MAP3K5: variants seen among roughly 807,000 people sequenced by gnomAD.
The protein encoded by MAP3K5 is mitogen-activated protein kinase kinase kinase 5.
In MAP3K5, 56 loss-of-function variants were observed where a neutral mutation model predicts 158.7. The ratio of observed to expected loss-of-function variants is 0.35; its 90% CI spans 0.28 to 0.44. The LOEUF is 0.44. Ranked by LOEUF, MAP3K5 falls within the 20% of genes least tolerant of loss-of-function variation. The probability of loss-of-function intolerance (pLI) is 1.00; values close to 1 mark genes in which losing one functional copy is unlikely to be tolerated. For missense variants in MAP3K5, 1,294 were observed against 1,674.8 expected, an observed-to-expected ratio of 0.77 and a Z score of 3.97; for synonymous variants, 579 against 601.7, an observed-to-expected ratio of 0.96 and a Z score of 0.55.
At chr6:136,564,801 A>C (rs904042254) in intron 26 of MAP3K5, among the ~76,000 whole-genome samples, 1 of 152,196 alleles carries the variant, frequency 6.6e-6, no homozygotes, top group African/African-American at 2.4e-5. Flanking sequence ...TGAAAACCTA[A>C]CTTAGGAGTA....
rs1192871126 is a variant in MAP3K5 at position 136,613,173 on chromosome 6, G to A, written c.2362C>T (p.Leu788=). 6.2e-7 allele frequency: 1 copy of A among 1,613,396 alleles called. No individual in the cohort carries two copies. The highest frequency in any genetic ancestry group is 1.7e-5 in the Admixed American group (1 of 59,952). The change falls in exon 17 of 30, where the codon CTG becomes TTG. Residue 788 remains leucine (L), a synonymous_variant. Coordinates refer to ENST00000359015, the MANE Select transcript of MAP3K5 (RefSeq NM_005923.4). This position sits in a 1 kb window ranked among gnomAD's most constrained non-coding sequence, Gnocchi z 4.0. The part of the protein sequence containing the change: ...QTIGFYTKQI[L]EGLKYLHDNQ... ...TCATGGAGATATTTTAATCCTTCCA[G>A]TATTTGCTTTGTATAAAAGCCAATT... is the stretch of plus-strand genomic sequence containing the variant.
intron 21 of MAP3K5, chr6:136,593,714 C>CAAAAAAAA (rs760563651): frequency 8.2e-6 from 2 of 243,036 alleles, no homozygotes; most frequent in South Asian, 2.8e-5. Context: ...GACAGATATG[C>CAAAAAAAA]AAAAAAAAAA....
rs1015372267 is a variant in MAP3K5, at chr6:136,705,047, A to G, written c.612+63T>C. The G allele has an allele frequency of 3.2e-5, 25 of 789,400 alleles. No individual in the cohort carries two copies. In the African/African-American group the frequency reaches 3.7e-4, roughly 12 times the overall value. The allele number at this position is 789,400 out of a possible 1,614,324, so 48.9% of individuals were successfully genotyped here. A position where few individuals can be genotyped will look rare whatever the true frequency, so the allele number is the denominator to read the frequency against. The stretch of plus-strand genomic sequence containing the variant: ...AATTTGTGGAGATTTTAAAAATACC[A>G]AAGATTAGTTAATGGAAAAGAAAAT... On this transcript the variant is annotated intron_variant, in intron 3 of 29. Coordinates refer to ENST00000359015, the MANE Select transcript of MAP3K5 (RefSeq NM_005923.4).
intron 8 of MAP3K5, among the ~76,000 whole-genome samples, chr6:136,667,220 G>T (rs899522816): frequency 1.3e-4 from 20 of 151,882 alleles, no homozygotes; most frequent in Admixed American, 1.3e-3. Context: ...CATATATACT[G>T]AAAAATATAT....
chr6:136,776,774 G>C (rs1784418049), intron 1 of MAP3K5, among the ~76,000 whole-genome samples: 1 of 152,190 alleles, frequency 6.6e-6, no homozygotes, highest in Non-Finnish European at 1.5e-5. Context: ...GGTCCTGTAA[G>C]TTAAATGGTA....
intron 17 of MAP3K5, 70 bp from the exon 18 acceptor site, chr6:136,611,457 G>T (rs1776340762): frequency 5.0e-6 from 4 of 804,168 alleles, no homozygotes; most frequent in Non-Finnish European, 4.1e-6. Flanking sequence ...GACTTGGTAA[G>T]TCCAATTTAA....
At chr6:136,614,709 T>C (rs988672514) in intron 15 of MAP3K5, among the ~76,000 whole-genome samples, 1 of 152,220 alleles carries the variant, frequency 6.6e-6, no homozygotes, top group Non-Finnish European at 1.5e-5. Flanking sequence ...ACTGGCCTCA[T>C]CAACACAACT....
At chr6:136,761,085 C>T (rs1783731515) in intron 1 of MAP3K5, among the ~76,000 whole-genome samples, 1 of 151,992 alleles carries the variant, frequency 6.6e-6, no homozygotes. Context: ...GGAAGTGGGC[C>T]CTCACAAACA....
Position 136,766,295 on chromosome 6 carries a change from G to A in MAP3K5, c.448+25415C>T, listed in dbSNP as rs147087287. ...CAGAACAAGGCCAAGCAATAACTCC[G>A]TAAAGAAATGCCTACAAGGATGACC... On this transcript the variant is annotated intron_variant, in intron 1 of 29. Coordinates refer to ENST00000359015, the MANE Select transcript of MAP3K5 (RefSeq NM_005923.4). Among the ~76,000 whole-genome samples, 726 of 152,280 alleles carry A rather than the reference G, an allele frequency of 4.8e-3. 4 individuals are homozygous for A. The highest frequency in any genetic ancestry group is 0.016 in the African/African-American group (679 of 41,546).
intron 6 of MAP3K5, among the ~76,000 whole-genome samples, chr6:136,695,345 C>T (rs1217389761): frequency 6.6e-6 from 1 of 152,078 alleles, no homozygotes; most frequent in Non-Finnish European, 1.5e-5. Context: ...CACCGTGTTG[C>T]CCAGGCTGCT....
intron 3 of MAP3K5, among the ~76,000 whole-genome samples, chr6:136,699,025 T>C (rs2114678819): frequency 6.6e-6 from 1 of 152,268 alleles, no homozygotes; most frequent in East Asian, 1.9e-4. Context: ...TATAATTTAG[T>C]CACAGGGCGC....
intron 14 of MAP3K5, among the ~76,000 whole-genome samples, chr6:136,632,014 TC>T (rs1243246184): frequency 6.6e-6 from 1 of 151,928 alleles, no homozygotes; most frequent in East Asian, 1.9e-4. Context: ...AGGACCTGGA[TC>T]TGAAAAATTA....
chr6:136,759,378 T>C (rs952409146), intron 1 of MAP3K5, among the ~76,000 whole-genome samples: 10 of 148,452 alleles, frequency 6.7e-5, no homozygotes, highest in Non-Finnish European at 1.2e-4. Flanking sequence ...AAAACCCACA[T>C]TGTAACCTAA....
At chr6:136,594,580 A>C (rs1337901212) in intron 21 of MAP3K5, among the ~76,000 whole-genome samples, 1 of 152,206 alleles carries the variant, frequency 6.6e-6, no homozygotes. Context: ...TCTCTTTACA[A>C]GAAGGGATAC....
chr6:136,558,827 C>T lies in MAP3K5; in HGVS notation c.4037G>A (p.Arg1346His). 3 of 1,605,008 alleles carry T rather than the reference C, an allele frequency of 1.9e-6. No homozygotes were observed. Among genetic ancestry groups the T allele is most frequent in the East Asian group, 2.2e-5 (1 of 44,772 alleles). Residue 1346 changes from arginine to histidine, a missense_variant, in exon 29 of 30, where the codon CGT becomes CAT. Coordinates refer to ENST00000359015, the MANE Select transcript of MAP3K5 (RefSeq NM_005923.4). ...TAGTCTCAAGCATTTTAAGTCATCA[C>T]GTGTAACATAGTAGAGAACATCCAA... is the stretch of plus-strand genomic sequence containing the variant. ...TLLDVLYYVTRDDLKCLRLRG... is the reference protein window; with the variant it reads ...TLLDVLYYVTHDDLKCLRLRG...
rs1780701808 is a variant in MAP3K5 at position 136,698,485 on chromosome 6, T to C, written c.806+4A>G. The C allele has an allele frequency of 6.2e-7, 1 of 1,611,818 alleles. No homozygotes were observed. Among genetic ancestry groups the C allele is most frequent in the Non-Finnish European group, 8.5e-7 (1 of 1,178,458 alleles). ...ACCAAATGGCATTATTAATTAAACT[T>C]TACCTAGAACTTGCTTGTGCCACCT... On this transcript the variant is annotated splice_donor_region_variant and intron_variant, in intron 4 of 29. Transcript: ENST00000359015.
intron 1 of MAP3K5, among the ~76,000 whole-genome samples, chr6:136,748,989 T>C (rs1783076685): frequency 6.6e-6 from 1 of 152,338 alleles, no homozygotes; most frequent in Non-Finnish European, 1.5e-5. Context: ...GAAATAAAAC[T>C]GGAACAAGAA....
At chr6:136,776,171 G>A (rs1784396910) in intron 1 of MAP3K5, among the ~76,000 whole-genome samples, 1 of 152,194 alleles carries the variant, frequency 6.6e-6, no homozygotes, top group Non-Finnish European at 1.5e-5. Context: ...AGTTCCAAGT[G>A]TATACACGAT....
At chr6:136,779,858 T>A (rs1784545929) in intron 1 of MAP3K5, among the ~76,000 whole-genome samples, 1 of 152,198 alleles carries the variant, frequency 6.6e-6, no homozygotes, top group Non-Finnish European at 1.5e-5. Flanking sequence ...TTGTACATGT[T>A]CCCTGACCTA....
Sources: allele counts gnomAD v4.1 joint callset (sites outside exome capture counted in the v4.1 genomes callset), GRCh38; gene constraint gnomAD v4.1.1; non-coding constraint Gnocchi (gnomAD v3.1); transcripts MANE v1.5; gene names NCBI Gene and HGNC (gene_info 2026-07-23, HGNC 2026-07-21).